Variants in VPS53 observed in about 807,000 individuals in gnomAD.
The protein encoded by VPS53 is VPS53 subunit of GARP complex, also known as vacuolar protein sorting-associated protein 53 homolog.
Under a neutral mutation model 107.0 loss-of-function variants are expected in VPS53, and 70 were observed. The observed-to-expected ratio is 0.65, with a 90% CI of 0.54 to 0.80. The LOEUF (loss-of-function observed/expected upper bound fraction) is 0.80, where lower values mean the gene tolerates loss of function less well. VPS53 is among the 30% of genes least tolerant of loss of function. VPS53 has a pLI of 0.00. For missense variants in VPS53, 917 were observed against 1,049.4 expected (o/e 0.87, Z 1.74); for synonymous variants, 409 against 393.3 (o/e 1.04, Z -0.47).
rs750970716 is a variant in VPS53 at position 562,757 on chromosome 17, A to AC, written c.1314-13_1314-12insG. 6.3e-7 allele frequency: 1 copy of AC among 1,582,924 alleles called. No homozygotes were observed. The highest frequency in any genetic ancestry group is 8.6e-7 in the Non-Finnish European group (1 of 1,168,262). ...GCTCTCCGAGGTTCCTAGGAGGAAAAAAAAAAACCAAAAATGTTATTTTAC... is the reference window on the plus strand; with the variant it reads ...GCTCTCCGAGGTTCCTAGGAGGAAAACAAAAAAACCAAAAATGTTATTTTAC... On this transcript the variant is annotated splice_polypyrimidine_tract_variant and intron_variant, in intron 13 of 21. Transcript: ENST00000437048.
At chr17:709,317 A>T (rs1024620173) in intron 2 of VPS53, among the ~76,000 whole-genome samples, 1 of 152,152 alleles carries the variant, frequency 6.6e-6, no homozygotes, top group Non-Finnish European at 1.5e-5. Flanking sequence ...TTCTCCCTAC[A>T]CTAGACTCCA....
chr17:655,097 G>A (rs564173570), intron 6 of VPS53, among the ~76,000 whole-genome samples: 20 of 152,250 alleles, frequency 1.3e-4, no homozygotes, highest in South Asian at 1.2e-3. Flanking sequence ...TTTCTATGAC[G>A]ATGCGCTTTC....
chr17:681,913 T>TCC (rs1389905917), intron 4 of VPS53, among the ~76,000 whole-genome samples: 3 of 152,164 alleles, frequency 2.0e-5, no homozygotes, highest in Non-Finnish European at 4.4e-5. Flanking sequence ...CTCAGTCACC[T>TCC]CCCAAAGGCC....
intron 17 of VPS53, chr17:540,643 A>G (rs999172940): frequency 2.6e-5 from 4 of 152,190 alleles, no homozygotes; most frequent in Admixed American, 6.5e-5. Flanking sequence ...ACCCCTCTAC[A>G]CTTAAAATTG....
intron 7 of VPS53, among the ~76,000 whole-genome samples, chr17:646,812 C>T (rs1216952740): frequency 5.8e-5 from 8 of 137,940 alleles, no homozygotes; most frequent in African/African-American, 1.9e-4. Context: ...TCCGTGACCG[C>T]GTGGCCACTG....
chr17:519,357 G>T lies in VPS53; in HGVS notation c.2329-59C>A. On this transcript the variant is annotated intron_variant, in intron 21 of 21. Coordinates refer to ENST00000437048, the MANE Select transcript of VPS53 (RefSeq NM_001128159.3). The surrounding 1 kb of genome is among the most constrained non-coding windows in gnomAD (Gnocchi z 5.0). ...GTCTGGGCCAGAATGGCCCACGGGGGACAGCGCAGTATCTGGATATGGGGT... is the reference window on the plus strand; with the variant it reads ...GTCTGGGCCAGAATGGCCCACGGGGTACAGCGCAGTATCTGGATATGGGGT... 1 of 1,427,260 alleles carries T rather than the reference G, an allele frequency of 7.0e-7. No individual in the cohort carries two copies. 88.4% of individuals were successfully genotyped at this position (1,427,260 alleles called of 1,614,324 possible).
chr17:663,382 C>A (rs927279400), intron 4 of VPS53, among the ~76,000 whole-genome samples: 9 of 152,224 alleles, frequency 5.9e-5, no homozygotes, highest in Admixed American at 5.9e-4. Flanking sequence ...TGCCAGCAGG[C>A]CACAGACGTG....
intron 8 of VPS53, among the ~76,000 whole-genome samples, chr17:630,601 G>C (rs1013280164): frequency 6.6e-6 from 1 of 152,144 alleles, no homozygotes; most frequent in Non-Finnish European, 1.5e-5. Flanking sequence ...AATCAGGAGC[G>C]GGCTTCCTAT....
rs1273158669 is a variant in VPS53, at chr17:520,675, G to A, written c.2224-745C>T. 1.3e-5 allele frequency among the ~76,000 whole-genome samples: 2 copies of A among 152,156 alleles called. No individual in the cohort carries two copies. Among genetic ancestry groups the A allele is most frequent in the Non-Finnish European group, 2.9e-5 (2 of 68,018 alleles). ...CTGAAGGGAAGAGTGGCGAGGAGGA[G>A]TTCACTCAGGCATCCTCTGCCGATA... On this transcript the variant is annotated intron_variant, in intron 20 of 21. Coordinates refer to ENST00000437048, the MANE Select transcript of VPS53 (RefSeq NM_001128159.3). This position sits in a 1 kb window ranked among gnomAD's most constrained non-coding sequence, Gnocchi z 4.4.
At chr17:606,047 C>T (rs1968562346) in intron 11 of VPS53, among the ~76,000 whole-genome samples, 2 of 152,014 alleles carry the variant, frequency 1.3e-5, no homozygotes, top group East Asian at 1.9e-4. Context: ...TGATGGGAAC[C>T]GGACTAAGCC....
chr17:682,339 A>T (rs534317134), intron 4 of VPS53, among the ~76,000 whole-genome samples: 1 of 152,292 alleles, frequency 6.6e-6, no homozygotes, highest in South Asian at 2.1e-4. Context: ...CTGCTCTTAC[A>T]CTAACAAGGA....
chr17:644,256 T>A (rs145367623), intron 7 of VPS53, among the ~76,000 whole-genome samples: 1 of 152,370 alleles, frequency 6.6e-6, no homozygotes, highest in East Asian at 1.9e-4. Context: ...CTATTTCAAA[T>A]GTACAGGCAA....
At chr17:677,849 G>A (rs572579516) in intron 4 of VPS53, among the ~76,000 whole-genome samples, 4 of 152,200 alleles carry the variant, frequency 2.6e-5, no homozygotes, top group African/African-American at 4.8e-5. Context: ...GCCAGGTGTG[G>A]TGGCTCACAC....
chr17:570,372 CAAAAAAA>C (rs57449097), intron 13 of VPS53, among the ~76,000 whole-genome samples: 1 of 90,452 alleles, frequency 1.1e-5, no homozygotes, highest in Non-Finnish European at 2.0e-5. Flanking sequence ...GACTCTGTCT[CAAAAAAA>C]AAAAAAAAAA....
chr17:707,250 G>A (rs562963010), intron 2 of VPS53, among the ~76,000 whole-genome samples: 2 of 151,902 alleles, frequency 1.3e-5, no homozygotes, highest in African/African-American at 2.4e-5. Context: ...GGTCGGGCGC[G>A]GTGGCTCACG....
At chr17:545,683 A>G (rs192781626) in intron 17 of VPS53, among the ~76,000 whole-genome samples, 9 of 152,206 alleles carry the variant, frequency 5.9e-5, no homozygotes, top group African/African-American at 1.4e-4. Context: ...AGGGAATACT[A>G]CAGTTAAGCA....
intron 4 of VPS53, among the ~76,000 whole-genome samples, chr17:668,548 A>G (rs1211821438): frequency 6.6e-6 from 1 of 152,154 alleles, no homozygotes; most frequent in Non-Finnish European, 1.5e-5. Context: ...AATTCTAAAA[A>G]AGTTTCAATC....
intron 10 of VPS53, among the ~76,000 whole-genome samples, chr17:626,020 C>A (rs1316986499): frequency 2.0e-5 from 3 of 152,040 alleles, no homozygotes; most frequent in Non-Finnish European, 4.4e-5. Flanking sequence ...CCGAACAACA[C>A]AGCAAAACTC....
chr17:672,108 TGACACACACA>T (rs1378055640), intron 4 of VPS53, among the ~76,000 whole-genome samples: 1 of 30,302 alleles, frequency 3.3e-5, no homozygotes, highest in African/African-American at 7.9e-5. Context: ...ATGATGAGGG[TGACACACACA>T]CACACACACA....
Sources: allele counts gnomAD v4.1 joint callset (sites outside exome capture counted in the v4.1 genomes callset), GRCh38; gene constraint gnomAD v4.1.1; non-coding constraint Gnocchi (gnomAD v3.1); transcripts MANE v1.5; gene names NCBI Gene and HGNC (gene_info 2026-07-23, HGNC 2026-07-21).